ADAR: variants seen among roughly 807,000 people sequenced by gnomAD.
ADAR encodes adenosine deaminase RNA specific.
Under a neutral mutation model 113.2 loss-of-function variants are expected in ADAR, and 41 were observed. That is an observed-to-expected ratio of 0.36 (90% CI 0.28 to 0.47). ADAR has a LOEUF of 0.47. Ranked by LOEUF, ADAR falls within the 20% of genes least tolerant of loss-of-function variation. The pLI is 1.00. For missense variants in ADAR, 1,242 were observed against 1,540.9 expected (o/e 0.81, Z 3.25); for synonymous variants, 605 against 572.6 (o/e 1.06, Z -0.81).
At chr1:154,604,348 AC>A (rs2101652639) in intron 1 of ADAR, among the ~76,000 whole-genome samples, 1 of 152,180 alleles carries the variant, frequency 6.6e-6, no homozygotes, top group South Asian at 2.1e-4. Flanking sequence ...CCAGTAAGCC[AC>A]CCTGATTCTT....
Position 154,598,557 on chromosome 1 carries a change from G to C in ADAR, c.1630C>G (p.Arg544Gly). 1 of 1,614,176 alleles carries C rather than the reference G, an allele frequency of 6.2e-7. No homozygotes were observed. Among genetic ancestry groups the C allele is most frequent in the Non-Finnish European group, 8.5e-7 (1 of 1,180,036 alleles). ...CCAGCTTCAGCTGGGGGAAACTCTC[G>C]GCCATTGATGACAACCTGGAATTTA... is the stretch of plus-strand genomic sequence containing the variant. The part of the protein sequence containing the change: ...RFKFQVVING[R>G]EFPPAEAGSK... Residue 544 changes from arginine (R) to glycine (G), a missense_variant, in exon 3 of 15, where the codon CGA (arginine) becomes GGA (glycine). By Grantham distance (125) the Arg-to-Gly change is moderately radical (BLOSUM62 -2). Around this residue, in one of 2 missense-constraint regions of ADAR, gnomAD observed 780 missense variants for 1,057.9 expected, o/e 0.74. Transcript: ENST00000368474.
chr1:154,589,991 T>C (rs1350898906), intron 7 of ADAR, 63 bp from the exon 8 acceptor site: 24 of 1,600,856 alleles, frequency 1.5e-5, no homozygotes, highest in Non-Finnish European at 2.0e-5. Context: ...ATATTCACCG[T>C]GGGCAGGGAG....
At chr1:154,597,344 C>T (rs761120087) in intron 4 of ADAR, 77 bp from the exon 5 acceptor site, 155 of 1,536,802 alleles carry the variant, frequency 1.0e-4, no homozygotes, top group Non-Finnish European at 3.6e-5. Context: ...GCCAGGCTGC[C>T]ATCCTCCACT....
intron 7 of ADAR, 76 bp downstream of exon 7, chr1:154,590,108 A>T: frequency 6.5e-7 from 1 of 1,528,268 alleles, no homozygotes. Context: ...CTCGCATGAC[A>T]GCAAGAGCCA....
chr1:154,612,072 A>C (rs1052824421), upstream of ADAR, among the ~76,000 whole-genome samples: 1 of 152,304 alleles, frequency 6.6e-6, no homozygotes, highest in Admixed American at 6.5e-5. Flanking sequence ...GTTTAACCTT[A>C]CTGCGTGCAG....
chr1:154,593,990 T>G (rs1186155211), intron 6 of ADAR, among the ~76,000 whole-genome samples: 10 of 151,826 alleles, frequency 6.6e-5, no homozygotes, highest in Admixed American at 4.6e-4. Context: ...TTCAAGTAAT[T>G]CTCCTGCTCA....
chr1:154,623,362 A>G (rs1014865772), intron 1 of ADAR, among the ~76,000 whole-genome samples: 1 of 152,194 alleles, frequency 6.6e-6, no homozygotes, highest in Non-Finnish European at 1.5e-5. Context: ...TCAAAGTTTG[A>G]TGGACAAACA....
chr1:154,610,208 G>T (rs1698438872), upstream of ADAR, among the ~76,000 whole-genome samples: 1 of 152,146 alleles, frequency 6.6e-6, no homozygotes, highest in South Asian at 2.1e-4. Flanking sequence ...GTCACTACAG[G>T]AAACCAGTTT....
intron 6 of ADAR, among the ~76,000 whole-genome samples, chr1:154,591,539 G>A (rs1419178415): frequency 6.6e-6 from 1 of 152,280 alleles, no homozygotes; most frequent in African/African-American, 2.4e-5. Flanking sequence ...GTGGAGCAGG[G>A]AGGTGGCTTC....
chr1:154,624,466 G>A (rs919027784), intron 1 of ADAR, among the ~76,000 whole-genome samples: 5 of 152,142 alleles, frequency 3.3e-5, no homozygotes, highest in African/African-American at 1.2e-4. Flanking sequence ...AGTCTATATG[G>A]ATGGGTTATA....
chr1:154,620,281 C>T (rs1315882436), intron 1 of ADAR, among the ~76,000 whole-genome samples: 1 of 152,064 alleles, frequency 6.6e-6, no homozygotes, highest in Admixed American at 6.6e-5. Flanking sequence ...GTGGTGGGTG[C>T]CTGTAATCCC....
At chr1:154,621,875 A>G (rs1358591358) in intron 1 of ADAR, among the ~76,000 whole-genome samples, 1 of 152,212 alleles carries the variant, frequency 6.6e-6, no homozygotes, top group African/African-American at 2.4e-5. Flanking sequence ...GAGCGGGGTT[A>G]AATAATAACC....
At chr1:154,609,837 G>A (rs567276595), upstream of ADAR, among the ~76,000 whole-genome samples, 14 of 152,284 alleles carry the variant, frequency 9.2e-5, no homozygotes, top group African/African-American at 3.1e-4. Flanking sequence ...AGTCTGCTAG[G>A]GAAGATGGAT....
chr1:154,604,594 T>C (rs1296961791), intron 1 of ADAR, among the ~76,000 whole-genome samples: 1 of 152,240 alleles, frequency 6.6e-6, no homozygotes, highest in Non-Finnish European at 1.5e-5. Flanking sequence ...TCACTGTGGA[T>C]TGAGTACTCT....
rs537278608 is a variant in ADAR at position 154,624,229 on chromosome 1, T to C, written c.-871+3626A>G. On this transcript the variant is annotated intron_variant, in intron 1 of 14. Transcript: ENST00000368471. ...TTAATTTACACTGGGTTTGTGCCAC[T>C]TGCAAGTAGATTAATATACAGTCCT... 6.6e-5 allele frequency among the ~76,000 whole-genome samples: 10 copies of C among 152,280 alleles called. No homozygotes were observed. In the East Asian group the frequency reaches 1.7e-3, roughly 26 times the overall value.
rs1127317 is a variant in ADAR, at chr1:154,583,564, T to G, written c.*1242A>C. 45,202 of 152,014 alleles carry G rather than the reference T, an allele frequency of 0.3. 6,752 individuals are homozygous for G. Among genetic ancestry groups the G allele is most frequent in the African/African-American group, 0.31 (13,033 of 41,414 alleles). 9.4% of individuals were successfully genotyped at this position (152,014 alleles called of 1,614,324 possible). A position where few individuals can be genotyped will look rare whatever the true frequency, so the allele number is the denominator to read the frequency against. On this transcript the variant is annotated 3_prime_UTR_variant, in exon 15 of 15. Coordinates refer to ENST00000368474, the MANE Select transcript of ADAR (RefSeq NM_001111.5). Reference sequence around the variant, plus strand: ...ACTACTGCTTTCTATGTCAACCCTATAAAGATCAGGTCTGCGCCCTGCCCA... The same window carrying G: ...ACTACTGCTTTCTATGTCAACCCTAGAAAGATCAGGTCTGCGCCCTGCCCA...
rs758253421 is a variant in ADAR at position 154,585,025 on chromosome 1, G to A, written c.3462C>T (p.Ser1154=). ...GAAAAATGTTCTTTTTGGAGACCCG[G>A]GACAATTCATTCCGTGGCCTAGAGA... is the stretch of plus-strand genomic sequence containing the variant. ...GTVDGPRNEL[S]RVSKKNIFLL... Residue 1154 remains serine, a synonymous_variant, in exon 15 of 15, where the codon TCC becomes TCT. Transcript: ENST00000368474. 1.2e-6 allele frequency: 2 copies of A among 1,613,842 alleles called. No individual in the cohort carries two copies. Among genetic ancestry groups the A allele is most frequent in the South Asian group, 2.2e-5 (2 of 91,078 alleles).
rs11264224 is a variant in ADAR, at chr1:154,595,610, A to G, written c.2270+1195T>C. 2.0e-5 allele frequency among the ~76,000 whole-genome samples: 3 copies of G among 152,310 alleles called. No individual in the cohort carries two copies. The East Asian group carries it at 5.8e-4, about 29-fold the overall frequency. On this transcript the variant is annotated intron_variant, in intron 6 of 14. Transcript: ENST00000368474. ...TACAACATGTTTGTGTTTTAAGCTA[A>G]GTATTATTACAAAAGGAACAAAAAA...
Position 154,585,838 on chromosome 1 carries a change from G to T in ADAR, c.3230C>A (p.Thr1077Asn). 6.2e-7 allele frequency: 1 copy of T among 1,614,100 alleles called. No homozygotes were observed. Among genetic ancestry groups the T allele is most frequent in the Non-Finnish European group, 8.5e-7 (1 of 1,179,964 alleles). ...TGTCACACGACAGCAAATAGCACGGGTCAGATGCCCTTGGCTGAAAAGGTA... is the reference window on the plus strand; with the variant it reads ...TGTCACACGACAGCAAATAGCACGGTTCAGATGCCCTTGGCTGAAAAGGTA... ...LGYLFSQGHL[T>N]RAICCRVTRD... is the part of the protein sequence containing the mutation. The change falls in exon 13 of 15, where the codon ACC becomes AAC. Residue 1077 changes from threonine to asparagine, a missense_variant. Around this residue, in one of 2 missense-constraint regions of ADAR, gnomAD observed 780 missense variants for 1,057.9 expected, o/e 0.74. Coordinates refer to ENST00000368474, the MANE Select transcript of ADAR (RefSeq NM_001111.5).
Sources: allele counts gnomAD v4.1 joint callset (sites outside exome capture counted in the v4.1 genomes callset), GRCh38; gene constraint gnomAD v4.1.1; regional missense constraint gnomAD v4.1.1; transcripts MANE v1.5; gene names NCBI Gene and HGNC (gene_info 2026-07-23, HGNC 2026-07-21).